The following LAMA2 variants were observed in gnomAD, a reference collection of about 807,000 sequenced individuals.
LAMA2 encodes laminin subunit alpha-2.
LAMA2 carries 269 observed loss-of-function variants against 364.8 expected under a neutral mutation model. The ratio of observed to expected loss-of-function variants is 0.74; its 90% confidence interval spans 0.67 to 0.82. The LOEUF (loss-of-function observed/expected upper bound fraction) is 0.82, where lower values mean the gene tolerates loss of function less well. LAMA2 is among the 40% of genes least tolerant of loss of function. The pLI, the probability that LAMA2 is intolerant of heterozygous loss-of-function variation, is 0.00. For synonymous variants in LAMA2, 1,379 were observed against 1,370.6 expected, an observed-to-expected ratio of 1.01 and a Z score of -0.14; for missense variants, 3,807 against 3,873.2, an observed-to-expected ratio of 0.98 and a Z score of 0.45.
chr6:129,023,054 T>G (rs1480208456), intron 1 of LAMA2, among the ~76,000 whole-genome samples: 1 of 152,158 alleles, frequency 6.6e-6, no homozygotes, highest in Non-Finnish European at 1.5e-5. Flanking sequence ...CTTGCTTTTT[T>G]TAAACAAAAA....
intron 41 of LAMA2, among the ~76,000 whole-genome samples, chr6:129,436,069 C>T (rs1781816694): frequency 6.6e-6 from 1 of 152,148 alleles, no homozygotes; most frequent in African/African-American, 2.4e-5. Context: ...ATGAAGATAG[C>T]AAATAACATT....
At chr6:129,322,859 T>C (rs1775053121) in intron 28 of LAMA2, among the ~76,000 whole-genome samples, 1 of 152,208 alleles carries the variant, frequency 6.6e-6, no homozygotes, top group South Asian at 2.1e-4. Flanking sequence ...AAATACATGC[T>C]TTCCCATTAA....
intron 1 of LAMA2, among the ~76,000 whole-genome samples, chr6:128,889,077 A>C (rs767920041): frequency 1.3e-5 from 2 of 152,208 alleles, no homozygotes; most frequent in Admixed American, 6.5e-5. Context: ...AAAATATATC[A>C]GTACCTCAGA....
intron 1 of LAMA2, among the ~76,000 whole-genome samples, chr6:128,901,586 G>A (rs1777087381): frequency 6.6e-6 from 1 of 152,150 alleles, no homozygotes. Context: ...TATGACACCA[G>A]CATGGTGAAA....
At chr6:129,444,396 G>A (rs543144801) in intron 44 of LAMA2, among the ~76,000 whole-genome samples, 1 of 152,140 alleles carries the variant, frequency 6.6e-6, no homozygotes, top group South Asian at 2.1e-4. Context: ...TTAAAGGAAG[G>A]GAAAAATGAA....
At chr6:129,306,269 CA>C (rs1193100960) in intron 22 of LAMA2, among the ~76,000 whole-genome samples, 1 of 137,216 alleles carries the variant, frequency 7.3e-6, no homozygotes. Context: ...TAATCTTTAT[CA>C]TTTTATTCCT....
At chr6:129,102,492 G>A (rs906492715) in intron 4 of LAMA2, among the ~76,000 whole-genome samples, 7 of 151,756 alleles carry the variant, frequency 4.6e-5, no homozygotes, top group Admixed American at 4.6e-4. Context: ...TATATTTATA[G>A]TAAAATTTTA....
intron 4 of LAMA2, among the ~76,000 whole-genome samples, chr6:129,099,125 G>GTTTTTTTTTTTTTTTTTTTTTTTGT: frequency 7.7e-6 from 1 of 129,802 alleles, no homozygotes; most frequent in Non-Finnish European, 1.6e-5. Context: ...TTTTTTTTTT[G>GTTTTTTTTTTTTTTTTTTTTTTTGT]TTTTTTTTTT....
chr6:129,306,618 T>C (rs1773895800), intron 22 of LAMA2, among the ~76,000 whole-genome samples: 1 of 151,800 alleles, frequency 6.6e-6, no homozygotes, highest in African/African-American at 2.4e-5. Context: ...AATTGATATT[T>C]TCCCCCATCT....
chr6:129,093,020 A>C (rs189533663), intron 3 of LAMA2, among the ~76,000 whole-genome samples: 1 of 152,098 alleles, frequency 6.6e-6, no homozygotes, highest in African/African-American at 2.4e-5. Flanking sequence ...TCTGGGATAC[A>C]ATGGGTTCCC....
At chr6:129,178,638 T>G (rs759670839) in intron 10 of LAMA2, among the ~76,000 whole-genome samples, 1 of 152,172 alleles carries the variant, frequency 6.6e-6, no homozygotes, top group Non-Finnish European at 1.5e-5. Flanking sequence ...CATACTTATG[T>G]AAAAATGAAA....
chr6:129,378,539 C>T (rs1321868895), intron 34 of LAMA2, among the ~76,000 whole-genome samples: 1 of 152,144 alleles, frequency 6.6e-6, no homozygotes, highest in Non-Finnish European at 1.5e-5. Flanking sequence ...AGATGATGTT[C>T]TGATATGATT....
rs1222961106 is a variant in LAMA2 at position 129,314,773 on chromosome 6, A to T, written c.3530A>T (p.Glu1177Val). 1 of 1,614,046 alleles carries T rather than the reference A, an allele frequency of 6.2e-7. No homozygotes were observed. The change falls in exon 24 of 65, where the codon GAA (glutamate) becomes GTA (valine). Residue 1177 changes from glutamate (E) to valine (V), a missense_variant. Coordinates refer to ENST00000421865, the MANE Select transcript of LAMA2 (RefSeq NM_000426.4). ...TTCGGCACTACTACCCAGTGCTCTG[A>T]AGCAAAAGGACTGATCCGGACGTGG... is the stretch of plus-strand genomic sequence containing the variant. The part of the protein sequence containing the change: ...YCFGTTTQCS[E>V]AKGLIRTWVT...
chr6:129,190,853 A>C (rs2115034264), intron 11 of LAMA2, among the ~76,000 whole-genome samples: 1 of 152,328 alleles, frequency 6.6e-6, no homozygotes, highest in African/African-American at 2.4e-5. Flanking sequence ...TTGGTTTGAA[A>C]AATTATTACT....
chr6:129,215,917 T>C (rs1300142095), intron 12 of LAMA2, among the ~76,000 whole-genome samples: 1 of 152,198 alleles, frequency 6.6e-6, no homozygotes, highest in Non-Finnish European at 1.5e-5. Context: ...GATGTATTTG[T>C]CACTTTTCTT....
Position 129,502,737 on chromosome 6 carries a change from G to A in LAMA2, c.8323G>A (p.Ala2775Thr). 3.1e-6 allele frequency: 5 copies of A among 1,613,676 alleles called. No homozygotes were observed. The highest frequency in any genetic ancestry group is 4.2e-6 in the Non-Finnish European group (5 of 1,179,676). ...QFGLSRNSHI[A>T]IAFDDTKVKN... The stretch of plus-strand genomic sequence containing the variant: ...CGGGCTTTCAAGAAACAGTCACATT[G>A]CAATTGCATTTGATGACACCAAAGT... Residue 2775 changes from alanine (A) to threonine (T), a missense_variant, in exon 59 of 65, where the codon GCA (alanine) becomes ACA (threonine). Ala to Thr is a moderately conservative substitution (Grantham distance 58). Coordinates refer to ENST00000421865, the MANE Select transcript of LAMA2 (RefSeq NM_000426.4).
intron 14 of LAMA2, among the ~76,000 whole-genome samples, chr6:129,257,125 C>T (rs1786751103): frequency 6.6e-6 from 1 of 151,708 alleles, no homozygotes; most frequent in African/African-American, 2.4e-5. Context: ...TCATGCATCT[C>T]TAAAATTTAG....
At chr6:129,130,288 A>G (rs1777389707) in intron 4 of LAMA2, among the ~76,000 whole-genome samples, 1 of 152,238 alleles carries the variant, frequency 6.6e-6, no homozygotes, top group Non-Finnish European at 1.5e-5. Flanking sequence ...TAAGTGGGCC[A>G]TAGAGTGTGA....
chr6:129,210,156 T>A (rs75606084), intron 12 of LAMA2, among the ~76,000 whole-genome samples: 9 of 152,220 alleles, frequency 5.9e-5, no homozygotes, highest in South Asian at 2.1e-4. Flanking sequence ...ACTACTTTTT[T>A]AAATTACTGA....
Sources: allele counts gnomAD v4.1 joint callset (sites outside exome capture counted in the v4.1 genomes callset), GRCh38; gene constraint gnomAD v4.1.1; transcripts MANE v1.5; gene names NCBI Gene and HGNC (gene_info 2026-07-23, HGNC 2026-07-21).